AUTS2: variants seen among roughly 807,000 people sequenced by gnomAD.
AUTS2 encodes activator of transcription and developmental regulator AUTS2.
Under a neutral mutation model 112.4 loss-of-function variants are expected in AUTS2, and 17 were observed. The observed-to-expected ratio is 0.15, with a 90% confidence interval of 0.10 to 0.23. The LOEUF is 0.23. Among genes scored for constraint, AUTS2 ranks in the 10% least tolerant of loss-of-function variants. AUTS2 has a pLI of 1.00. For missense variants in AUTS2, 1,510 were observed against 1,701.6 expected (o/e 0.89, Z 1.98); for synonymous variants, 751 against 702.7 (o/e 1.07, Z -1.09).
intron 2 of AUTS2, among the ~76,000 whole-genome samples, chr7:69,912,391 G>T (rs906506270): frequency 1.3e-5 from 2 of 152,190 alleles, no homozygotes; most frequent in Non-Finnish European, 2.9e-5. Context: ...CTCAGTGGAG[G>T]GTGGGGCTCC....
At chr7:70,246,115 TAATGTGTGTTCCAAAA>T (rs1478476028) in intron 4 of AUTS2, among the ~76,000 whole-genome samples, 1 of 152,152 alleles carries the variant, frequency 6.6e-6, no homozygotes, top group Non-Finnish European at 1.5e-5. Flanking sequence ...CCTTTGTGAA[TAATGTGTGTTCCAAAA>T]CATTTCCTAA....
intron 1 of AUTS2, among the ~76,000 whole-genome samples, chr7:69,676,510 G>A (rs1441479941): frequency 6.6e-6 from 1 of 152,176 alleles, no homozygotes; most frequent in Non-Finnish European, 1.5e-5. Flanking sequence ...CTTGGTCTGG[G>A]GGAAGATAAA....
chr7:69,638,974 G>T (rs559694366), intron 1 of AUTS2, among the ~76,000 whole-genome samples: 2 of 152,226 alleles, frequency 1.3e-5, no homozygotes, highest in African/African-American at 4.8e-5. Context: ...GCTGAATAAT[G>T]TCTGCAGTAA....
At chr7:69,984,091 G>A (rs1437889369) in intron 2 of AUTS2, among the ~76,000 whole-genome samples, 1 of 152,150 alleles carries the variant, frequency 6.6e-6, no homozygotes, top group East Asian at 1.9e-4. Flanking sequence ...AGATTGTAGA[G>A]CTGTCAGTTG....
chr7:69,936,510 C>T (rs541409289), intron 2 of AUTS2, among the ~76,000 whole-genome samples: 7 of 152,158 alleles, frequency 4.6e-5, no homozygotes, highest in African/African-American at 1.4e-4. Flanking sequence ...CCACCACACC[C>T]GGCTAATTTT....
At chr7:70,449,695 C>A (rs1796452929) in intron 5 of AUTS2, among the ~76,000 whole-genome samples, 3 of 152,116 alleles carry the variant, frequency 2.0e-5, no homozygotes, top group Admixed American at 2.0e-4. Flanking sequence ...TACGTATTTA[C>A]AATTATGTAT....
intron 2 of AUTS2, among the ~76,000 whole-genome samples, chr7:69,926,446 T>TCTATCTAC (rs1331879829): frequency 3.9e-4 from 8 of 20,270 alleles, no homozygotes; most frequent in Non-Finnish European, 3.1e-4. Flanking sequence ...TGTCTGTCTG[T>TCTATCTAC]CTATCTATCT....
At chr7:70,507,985 A>G (rs987063150) in intron 5 of AUTS2, among the ~76,000 whole-genome samples, 10 of 152,190 alleles carry the variant, frequency 6.6e-5, no homozygotes, top group African/African-American at 2.4e-4. Context: ...CTGTTTGTTC[A>G]TAGCCCAATG....
At chr7:70,395,954 A>G (rs1348533438) in intron 4 of AUTS2, among the ~76,000 whole-genome samples, 2 of 152,206 alleles carry the variant, frequency 1.3e-5, no homozygotes, top group African/African-American at 4.8e-5. Context: ...AACACTCTTA[A>G]CCCATGAAGT....
chr7:69,778,672 A>G (rs1789004722), intron 1 of AUTS2, among the ~76,000 whole-genome samples: 1 of 152,196 alleles, frequency 6.6e-6, no homozygotes, highest in South Asian at 2.1e-4. Flanking sequence ...TTGTTCTTGT[A>G]AAGTTAATGC....
rs1027510357 is a variant in AUTS2 at position 70,766,529 on chromosome 7, CTT to C, written c.1689+197_1689+198del. Among the ~76,000 whole-genome samples the C allele has an allele frequency of 4.6e-5, 7 of 152,324 alleles. No individual in the cohort carries two copies. The highest frequency in any genetic ancestry group is 1.7e-4 in the African/African-American group (7 of 41,578). ...CTTCAGGGGCCTAAAGTAGGAACTTCTTTCTAGGCAGTTGTATCCAGCACTGC... is the reference window on the plus strand; with the variant it reads ...CTTCAGGGGCCTAAAGTAGGAACTTCTCTAGGCAGTTGTATCCAGCACTGC... On this transcript the variant is annotated intron_variant, in intron 9 of 18. Transcript: ENST00000342771. This position sits in a 1 kb window ranked among gnomAD's most constrained non-coding sequence, Gnocchi z 4.8.
At chr7:69,788,011 T>A (rs1347708374) in intron 1 of AUTS2, among the ~76,000 whole-genome samples, 21 of 152,244 alleles carry the variant, frequency 1.4e-4, no homozygotes, top group Non-Finnish European at 1.5e-5. Context: ...GAATCACCCT[T>A]GAATGAATTC....
intron 4 of AUTS2, among the ~76,000 whole-genome samples, chr7:70,401,464 C>A (rs61171607): frequency 0.062 from 9,459 of 152,234 alleles, 328 homozygotes; most frequent in African/African-American, 0.096. Flanking sequence ...CTGGAGCTGA[C>A]CACAGGACAT....
At position 69,728,789 on chromosome 7, in the gene AUTS2, G is replaced by A. The variant is rs184518100; in HGVS notation, c.309+128827G>A. On this transcript the variant is annotated intron_variant, in intron 1 of 18. Transcript: ENST00000342771. ...TGAAATACACGTTCCCTAAACAGCT[G>A]TAGAGAATTAATTTCAGTCAAAGAT... 4.0e-5 allele frequency among the ~76,000 whole-genome samples: 6 copies of A among 151,106 alleles called. No homozygotes were observed. The East Asian group carries it at 9.7e-4, about 25-fold the overall frequency.
chr7:70,535,315 A>G (rs1453874837), intron 5 of AUTS2, among the ~76,000 whole-genome samples: 2 of 152,178 alleles, frequency 1.3e-5, no homozygotes, highest in African/African-American at 2.4e-5. Context: ...CCAAAGAACA[A>G]GACATATATA....
At chr7:70,756,513 C>A (rs989160382) in intron 6 of AUTS2, among the ~76,000 whole-genome samples, 1 of 152,066 alleles carries the variant, frequency 6.6e-6, no homozygotes, top group Non-Finnish European at 1.5e-5. Flanking sequence ...CATCTACATA[C>A]ATAATTTAAA....
intron 1 of AUTS2, among the ~76,000 whole-genome samples, chr7:69,789,325 G>T (rs922347989): frequency 2.0e-5 from 3 of 152,180 alleles, no homozygotes; most frequent in African/African-American, 7.2e-5. Flanking sequence ...CTGATGGTGA[G>T]CCCCAAGTAT....
intron 5 of AUTS2, among the ~76,000 whole-genome samples, chr7:70,494,802 C>T (rs1255558798): frequency 6.6e-6 from 1 of 152,042 alleles, no homozygotes; most frequent in East Asian, 1.9e-4. Context: ...CATCCCAGCC[C>T]AAAGCTGAGG....
chr7:70,605,408 T>C (rs965978145), intron 5 of AUTS2, among the ~76,000 whole-genome samples: 2 of 152,144 alleles, frequency 1.3e-5, no homozygotes, highest in Non-Finnish European at 2.9e-5. Context: ...ATATCTTCCA[T>C]GGAAAAGATG....
Sources: gnomAD v4.1 joint callset for allele counts (sites outside exome capture counted in the v4.1 genomes callset) on GRCh38, gnomAD v4.1.1 for gene constraint, Gnocchi (gnomAD v3.1) non-coding constraint, MANE v1.5 for transcripts, NCBI Gene and HGNC (gene_info 2026-07-23, HGNC 2026-07-21) for gene names.